Variants in DMD observed in about 807,000 individuals in gnomAD.
DMD encodes dystrophin.
DMD carries 63 observed loss-of-function variants against 330.1 expected under a neutral mutation model. That is an observed-to-expected ratio of 0.19 (90% confidence interval 0.16 to 0.24). DMD has a LOEUF of 0.24. Ranked by LOEUF, DMD falls within the 10% of genes least tolerant of loss-of-function variation. The pLI, the probability that DMD is intolerant of heterozygous loss-of-function variation, is 1.00. For synonymous variants in DMD, 1,223 were observed against 959.8 expected (o/e 1.27, Z -5.07); for missense variants, 3,344 against 2,684.1 (o/e 1.25, Z -5.43).
intron 62 of DMD, among the ~76,000 whole-genome samples, chrX:31,293,001 G>T (rs2053821865): frequency 9.0e-6 from 1 of 110,949 alleles, no homozygotes; most frequent in African/African-American, 3.3e-5. Context: ...GGTGATTTCT[G>T]AGGTAGTGGT....
chrX:33,228,278 AGTGTGTGTGTGTGT>A (rs60369848), intron 1 of DMD, among the ~76,000 whole-genome samples: 2 of 93,469 alleles, frequency 2.1e-5, no homozygotes, highest in East Asian at 3.4e-4. Context: ...CCCAAGTTTA[AGTGTGTGTGTGTGT>A]GTGTGTGTGT....
chrX:31,386,712 G>A (rs761998777), intron 60 of DMD, among the ~76,000 whole-genome samples: 9 of 112,274 alleles, frequency 8.0e-5, no homozygotes, highest in Middle Eastern at 4.7e-3. Context: ...AACACATGAA[G>A]TAAAAACATG....
chrX:32,728,616 C>T (rs920671513), intron 7 of DMD, among the ~76,000 whole-genome samples: 7 of 112,288 alleles, frequency 6.2e-5, no homozygotes, highest in Middle Eastern at 4.7e-3. Flanking sequence ...TCTTATCAGA[C>T]ATTTCACCTT....
chrX:32,857,404 T>G (rs1297658828), intron 2 of DMD, among the ~76,000 whole-genome samples: 1 of 111,903 alleles, frequency 8.9e-6, no homozygotes, highest in Non-Finnish European at 1.9e-5. Context: ...GTATTTTGAG[T>G]GTAATAATTT....
intron 59 of DMD, among the ~76,000 whole-genome samples, chrX:31,466,533 G>A (rs146301817): frequency 0.042 from 4,692 of 111,258 alleles, 203 homozygotes; most frequent in African/African-American, 0.13. Context: ...ATCTGTTTTG[G>A]TACCAATACC....
At chrX:32,012,151 A>AGTC (rs2095714448) in intron 44 of DMD, among the ~76,000 whole-genome samples, 1 of 112,085 alleles carries the variant, frequency 8.9e-6, no homozygotes, top group Non-Finnish European at 1.9e-5. Context: ...CTTTGCCTTC[A>AGTC]GTCTCTTTCC....
At chrX:33,308,080 C>T (rs1204333589) in intron 1 of DMD, among the ~76,000 whole-genome samples, 5 of 112,093 alleles carry the variant, frequency 4.5e-5, no homozygotes, top group Admixed American at 9.5e-5. Context: ...TCTACCAATG[C>T]GCAGTTGATT....
rs776821400 is a variant in DMD at position 32,463,584 on chromosome X, C to A, written c.3287G>T (p.Ser1096Ile). The change falls in exon 25 of 79, where the codon AGT (serine) becomes ATT (isoleucine). Residue 1096 changes from serine (S) to isoleucine (I), a missense_variant. Transcript: ENST00000357033. The part of the protein sequence containing the change: ...KQLKQCRLLV[S>I]DIQTIQPSLN... ...ACTGGGCTGAATTGTCTGAATATCA[C>A]TGACTAAAAGCTAAGAAAATAAATC... is the stretch of plus-strand genomic sequence containing the variant. 2.6e-6 allele frequency: 3 copies of A among 1,152,821 alleles called. No individual in the cohort carries two copies. The highest frequency in any genetic ancestry group is 2.3e-6 in the Non-Finnish European group (2 of 864,070).
intron 44 of DMD, chrX:32,155,285 G>C: frequency 2.5e-6 from 1 of 403,735 alleles, no homozygotes; most frequent in Non-Finnish European, 3.1e-6. Flanking sequence ...TTACAGAAAA[G>C]CTGCCAGACC....
chrX:33,132,197 T>G (rs911378206), intron 1 of DMD, among the ~76,000 whole-genome samples: 2 of 112,315 alleles, frequency 1.8e-5, no homozygotes, highest in African/African-American at 6.5e-5. Context: ...AGATGTTAGA[T>G]CATGTTAGAA....
At position 32,057,867 on chromosome X, in the gene DMD, G is replaced by A. The variant is rs751053732; in HGVS notation, c.6439-89353C>T. Among the ~76,000 whole-genome samples the A allele has an allele frequency of 3.7e-4, 41 of 111,007 alleles. 1 individual carries two copies. The highest frequency in any genetic ancestry group is 9.2e-3 in the Middle Eastern group (2 of 217). ...TACCAAAGCTACCTCAGTCAAGAGC[G>A]CACGATAGTGTCATAAAGGCAGACA... On this transcript the variant is annotated intron_variant, in intron 44 of 78. Coordinates refer to ENST00000357033, the MANE Select transcript of DMD (RefSeq NM_004006.3).
intron 50 of DMD, among the ~76,000 whole-genome samples, chrX:31,786,742 G>T (rs938155506): frequency 7.2e-5 from 8 of 111,665 alleles, no homozygotes; most frequent in African/African-American, 2.6e-4. Context: ...CTCTTGGCTA[G>T]TGCAAAGATA....
At chrX:31,380,194 T>C (rs1332842226) in intron 60 of DMD, among the ~76,000 whole-genome samples, 3 of 110,848 alleles carry the variant, frequency 2.7e-5, no homozygotes, top group Non-Finnish European at 5.7e-5. Context: ...CAAACTCTGG[T>C]GCCAACTTAG....
chrX:32,680,455 C>G (rs2062323783), intron 9 of DMD, among the ~76,000 whole-genome samples: 1 of 110,701 alleles, frequency 9.0e-6, no homozygotes, highest in Non-Finnish European at 1.9e-5. Context: ...TTTCTCCAAG[C>G]CAAAGGCTGT....
At chrX:31,153,724 A>T (rs1250002187) in intron 74 of DMD, among the ~76,000 whole-genome samples, 1 of 111,973 alleles carries the variant, frequency 8.9e-6, no homozygotes, top group African/African-American at 3.2e-5. Flanking sequence ...GGATTAAATG[A>T]GTCGAACAAG....
At chrX:32,815,098 G>A (rs2077627424) in intron 6 of DMD, among the ~76,000 whole-genome samples, 3 of 110,833 alleles carry the variant, frequency 2.7e-5, no homozygotes. Context: ...TTGAATGCAT[G>A]TCTGCCTCTG....
chrX:31,483,138 C>T (rs1176893365), intron 57 of DMD, among the ~76,000 whole-genome samples: 2 of 105,726 alleles, frequency 1.9e-5, no homozygotes, highest in Non-Finnish European at 3.9e-5. Flanking sequence ...GCTCCACCTC[C>T]CAGGTTCATG....
chrX:33,210,722 T>C (rs908163303), intron 1 of DMD, among the ~76,000 whole-genome samples: 1 of 111,490 alleles, frequency 9.0e-6, no homozygotes, highest in African/African-American at 3.2e-5. Context: ...GTAAGAAACA[T>C]TAAAATTAAA....
At chrX:32,285,635 A>T (rs1044159204) in intron 43 of DMD, among the ~76,000 whole-genome samples, 3 of 111,519 alleles carry the variant, frequency 2.7e-5, no homozygotes, top group Non-Finnish European at 5.7e-5. Flanking sequence ...TGCCTTTATC[A>T]AGCCTGGCTT....
Sources: gnomAD v4.1 joint callset for allele counts (sites outside exome capture counted in the v4.1 genomes callset) on GRCh38, gnomAD v4.1.1 for gene constraint, MANE v1.5 for transcripts, NCBI Gene and HGNC (gene_info 2026-07-23, HGNC 2026-07-21) for gene names.